TMEM39A: variants seen among roughly 807,000 people sequenced by gnomAD.
TMEM39A encodes suppressor of SQST-1 aggregates in rpl-43 mutants.
In TMEM39A, 19 loss-of-function variants were observed where a neutral mutation model predicts 51.9. That is an observed-to-expected ratio of 0.37 (90% CI 0.26 to 0.54). The LOEUF is 0.54. Ranked by LOEUF, TMEM39A falls within the 20% of genes least tolerant of loss-of-function variation. The pLI, the probability that TMEM39A is intolerant of heterozygous loss-of-function variation, is 0.88. For synonymous variants in TMEM39A, 197 were observed against 220.2 expected (o/e 0.89, Z 0.93); for missense variants, 433 against 590.5 (o/e 0.73, Z 2.76).
rs537362423 is a variant in TMEM39A, at chr3:119,463,025, G to A, written c.-75+311C>T. 3.3e-5 allele frequency among the ~76,000 whole-genome samples: 5 copies of A among 152,266 alleles called. No homozygotes were observed. The East Asian group carries it at 9.7e-4, about 29-fold the overall frequency. ...CTGGAAAAAACCCGTGTTTTCAAAT[G>A]CTCCCTATTCCTAACAGCCTTCGGC... On this transcript the variant is annotated intron_variant, in intron 1 of 8. Transcript: ENST00000319172.
At chr3:119,461,879 T>C in intron 2 of TMEM39A, 83 bp downstream of exon 2, 1 of 1,094,052 alleles carries the variant, frequency 9.1e-7, no homozygotes, top group Non-Finnish European at 1.3e-6. Flanking sequence ...AATAAGCAAA[T>C]ATCTGAATGA....
chr3:119,434,508 C>T (rs2107658006), intron 8 of TMEM39A, among the ~76,000 whole-genome samples: 1 of 152,208 alleles, frequency 6.6e-6, no homozygotes, highest in South Asian at 2.1e-4. Flanking sequence ...TCAAGTAATA[C>T]TAGATTCGAC....
intron 7 of TMEM39A, chr3:119,435,661 G>C: frequency 2.0e-6 from 2 of 978,104 alleles, no homozygotes; most frequent in Non-Finnish European, 2.4e-6. Flanking sequence ...CTGGGAGGCA[G>C]TTTAGATATG....
At chr3:119,443,404 T>C (rs549318494) in intron 5 of TMEM39A, among the ~76,000 whole-genome samples, 2 of 152,314 alleles carry the variant, frequency 1.3e-5, no homozygotes, top group East Asian at 1.9e-4. Flanking sequence ...AACTTCACTG[T>C]TGTCTTATTT....
intron 5 of TMEM39A, among the ~76,000 whole-genome samples, chr3:119,440,874 C>T (rs1333280873): frequency 6.6e-6 from 1 of 152,138 alleles, no homozygotes; most frequent in African/African-American, 2.4e-5. Flanking sequence ...CTGCATCAAG[C>T]GTATCTGGGG....
chr3:119,461,100 G>A (rs1373689579), intron 2 of TMEM39A, among the ~76,000 whole-genome samples: 3 of 152,124 alleles, frequency 2.0e-5, no homozygotes, highest in South Asian at 2.1e-4. Flanking sequence ...TCCAACGAAC[G>A]GCAGAGTAAA....
chr3:119,436,015 C>A, intron 7 of TMEM39A: 3 of 1,029,210 alleles, frequency 2.9e-6, no homozygotes, highest in South Asian at 2.9e-5. Context: ...TCAATCTGTC[C>A]CACTTAACTA....
Position 119,460,099 on chromosome 3 carries a change from A to G in TMEM39A, c.114-1859T>C, listed in dbSNP as rs191062480. On this transcript the variant is annotated intron_variant, in intron 2 of 8. Coordinates refer to ENST00000319172, the MANE Select transcript of TMEM39A (RefSeq NM_018266.3). ...TAAACATGTCACAAATAATCACTCA[A>G]TAATAGTCTTGGTGACTTTTCAAAC... Among the ~76,000 whole-genome samples the G allele has an allele frequency of 2.0e-5, 3 of 152,178 alleles. No individual in the cohort carries two copies. In the East Asian group the frequency reaches 5.8e-4, roughly 29 times the overall value.
chr3:119,456,767 G>A (rs2081270415), intron 3 of TMEM39A, among the ~76,000 whole-genome samples: 1 of 152,106 alleles, frequency 6.6e-6, no homozygotes, highest in Non-Finnish European at 1.5e-5. Flanking sequence ...ACCATGCCCA[G>A]TTAATTTTGT....
intron 3 of TMEM39A, among the ~76,000 whole-genome samples, chr3:119,454,148 T>C (rs570760845): frequency 2.6e-5 from 4 of 152,198 alleles, no homozygotes; most frequent in African/African-American, 7.2e-5. Context: ...GAGATAATTA[T>C]TGTAGTGGGG....
At chr3:119,444,595 T>C (rs2081098183) in intron 5 of TMEM39A, among the ~76,000 whole-genome samples, 1 of 152,214 alleles carries the variant, frequency 6.6e-6, no homozygotes, top group Admixed American at 6.5e-5. Context: ...ACTTTGTAAT[T>C]ACCCACATAA....
chr3:119,451,588 C>A (rs1043332041), intron 4 of TMEM39A, among the ~76,000 whole-genome samples: 1 of 151,890 alleles, frequency 6.6e-6, no homozygotes, highest in Non-Finnish European at 1.5e-5. Context: ...CCCAGCACTT[C>A]GGGAGGCCGA....
rs2080988463 is a variant in TMEM39A, at chr3:119,437,621, C to T, written c.924+134G>A. On this transcript the variant is annotated intron_variant, in intron 6 of 8. Transcript: ENST00000319172. Reference sequence around the variant, plus strand: ...CAACCAGGAGCGGTATTAGTGCACTCCAGATGCAGCCGAACTCCACCATCC... The same window carrying T: ...CAACCAGGAGCGGTATTAGTGCACTTCAGATGCAGCCGAACTCCACCATCC... 12 of 664,474 alleles carry T rather than the reference C, an allele frequency of 1.8e-5. No individual in the cohort carries two copies. The East Asian group carries it at 3.3e-4, about 18-fold the overall frequency. 41.2% of individuals were successfully genotyped at this position (664,474 alleles called of 1,614,324 possible).
intron 8 of TMEM39A, among the ~76,000 whole-genome samples, chr3:119,433,367 TCTGATATAGGGGCC>T (rs2080925120): frequency 6.6e-6 from 1 of 152,162 alleles, no homozygotes; most frequent in South Asian, 2.1e-4. Flanking sequence ...GGTTCAGAAG[TCTGATATAGGGGCC>T]CTGAATCACT....
intron 8 of TMEM39A, among the ~76,000 whole-genome samples, chr3:119,433,068 A>C (rs1048500706): frequency 2.6e-5 from 4 of 152,176 alleles, no homozygotes; most frequent in Non-Finnish European, 5.9e-5. Context: ...AACCAGTCTA[A>C]TCCTAAATCT....
intron 6 of TMEM39A, 34 bp from the exon 7 acceptor site, chr3:119,437,012 T>A: frequency 6.3e-7 from 1 of 1,582,238 alleles, no homozygotes; most frequent in Non-Finnish European, 8.6e-7. Context: ...AAATGATCCA[T>A]GCACTGGTAA....
At chr3:119,444,384 C>T (rs960493233) in intron 5 of TMEM39A, among the ~76,000 whole-genome samples, 1 of 152,122 alleles carries the variant, frequency 6.6e-6, no homozygotes, top group Non-Finnish European at 1.5e-5. Context: ...ATATATTCCT[C>T]ATATGAAATC....
At position 119,430,768 on chromosome 3, in the gene TMEM39A, G is replaced by C. The variant is rs2080887821; in HGVS notation, c.*1213C>G. 6.6e-6 allele frequency: 1 copy of C among 152,064 alleles called. No individual in the cohort carries two copies. The highest frequency in any genetic ancestry group is 1.5e-5 in the Non-Finnish European group (1 of 67,974). The allele number at this position is 152,064 out of a possible 1,614,324, so 9.4% of individuals were successfully genotyped here. A position where few individuals can be genotyped will look rare whatever the true frequency, so the allele number is the denominator to read the frequency against. On this transcript the variant is annotated 3_prime_UTR_variant, in exon 9 of 9. Transcript: ENST00000319172. ...TCTGCAAGAATTATTTTCAGAGCCA[G>C]CTTGTCAACGACATGATTGGTCTTT...
chr3:119,444,568 T>C (rs2081097872), intron 5 of TMEM39A, among the ~76,000 whole-genome samples: 1 of 152,238 alleles, frequency 6.6e-6, no homozygotes, highest in Non-Finnish European at 1.5e-5. Context: ...CAATCTCTAA[T>C]TATGACTTGA....
Sources: allele counts gnomAD v4.1 joint callset (sites outside exome capture counted in the v4.1 genomes callset), GRCh38; gene constraint gnomAD v4.1.1; transcripts MANE v1.5; gene names NCBI Gene and HGNC (gene_info 2026-07-23, HGNC 2026-07-21).